CALD1: variants seen among roughly 807,000 people sequenced by gnomAD.
CALD1 encodes caldesmon 1, also known as caldesmon.
In CALD1, 33 loss-of-function variants were observed where a neutral mutation model predicts 99.9. The ratio of observed to expected loss-of-function variants is 0.33; its 90% CI spans 0.25 to 0.44. The LOEUF is 0.44. Ranked by LOEUF, CALD1 falls within the 20% of genes least tolerant of loss-of-function variation. CALD1 has a pLI of 1.00. For missense variants in CALD1, 861 were observed against 962.1 expected, an observed-to-expected ratio of 0.89 and a Z score of 1.39; for synonymous variants, 310 against 325.0, an observed-to-expected ratio of 0.95 and a Z score of 0.50.
intron 7 of CALD1, among the ~76,000 whole-genome samples, chr7:134,943,315 G>A (rs949628484): frequency 3.9e-5 from 6 of 152,052 alleles, no homozygotes; most frequent in South Asian, 2.1e-4. Context: ...GGTGGGGTGC[G>A]GGGAGAAAGA....
At chr7:134,870,910 T>C (rs1355046778) in intron 3 of CALD1, among the ~76,000 whole-genome samples, 1 of 152,162 alleles carries the variant, frequency 6.6e-6, no homozygotes, top group African/African-American at 2.4e-5. Flanking sequence ...TTTATGGGAA[T>C]AGTGAAAGTC....
intron 3 of CALD1, among the ~76,000 whole-genome samples, chr7:134,901,850 A>G (rs1803021923): frequency 6.6e-6 from 1 of 152,038 alleles, no homozygotes; most frequent in African/African-American, 2.4e-5. Flanking sequence ...TTTGTGTCCA[A>G]AGGGCACCAG....
intron 1 of CALD1, among the ~76,000 whole-genome samples, chr7:134,833,422 T>G (rs1799309901): frequency 6.6e-6 from 1 of 152,208 alleles, no homozygotes; most frequent in African/African-American, 2.4e-5. Flanking sequence ...GGGTTTAAGT[T>G]TGTGGCCACG....
intron 1 of CALD1, among the ~76,000 whole-genome samples, chr7:134,824,038 TAGA>T (rs1228909547): frequency 1.3e-5 from 2 of 152,084 alleles, no homozygotes; most frequent in African/African-American, 4.8e-5. Flanking sequence ...GTCATGAAAG[TAGA>T]AGATTAGGAG....
In CALD1 at chr7:134,845,414, T is replaced by C. The variant is rs549564888; in HGVS notation, c.-42+1443T>C. Reference sequence around the variant, plus strand: ...CTCACTTCCTGCCCCCCAAGACAGGTAGAAATAAGTTAAGGCTGAGGAGAA... The same window carrying C: ...CTCACTTCCTGCCCCCCAAGACAGGCAGAAATAAGTTAAGGCTGAGGAGAA... On this transcript the variant is annotated intron_variant, in intron 2 of 14. Coordinates refer to ENST00000361675, the MANE Select transcript of CALD1 (RefSeq NM_033138.4). Among the ~76,000 whole-genome samples, 10 of 150,872 alleles carry C rather than the reference T, an allele frequency of 6.6e-5. 2 individuals carry two copies. In the South Asian group the frequency reaches 2.2e-3, roughly 33 times the overall value.
At chr7:134,950,912 T>C (rs1395358446) in intron 9 of CALD1, among the ~76,000 whole-genome samples, 1 of 152,186 alleles carries the variant, frequency 6.6e-6, no homozygotes, top group Non-Finnish European at 1.5e-5. Context: ...TGAGCTAAGA[T>C]AATGCCACTG....
intron 1 of CALD1, among the ~76,000 whole-genome samples, chr7:134,806,416 G>A (rs762527061): frequency 6.6e-5 from 10 of 152,156 alleles, no homozygotes; most frequent in Admixed American, 3.3e-4. Flanking sequence ...TTACACAGGC[G>A]CTCAGTTCCA....
the CALD1 span, among the ~76,000 whole-genome samples, chr7:134,717,490 A>G: frequency 6.6e-6 from 1 of 152,340 alleles, no homozygotes; most frequent in South Asian, 2.1e-4. Context: ...TACCAACTAA[A>G]TGTACCTGCT....
At chr7:134,931,197 C>CT (rs1805498121) in intron 4 of CALD1, among the ~76,000 whole-genome samples, 2 of 152,030 alleles carry the variant, frequency 1.3e-5, no homozygotes, top group South Asian at 4.1e-4. Context: ...CTAAACAACT[C>CT]TAACTGGCAT....
At chr7:134,962,699 G>A (rs1341316756) in intron 13 of CALD1, 2 of 390,278 alleles carry the variant, frequency 5.1e-6, no homozygotes, top group South Asian at 1.9e-5. Flanking sequence ...TCAATTCTGA[G>A]TATGTCTGTT....
At chr7:134,732,403 C>A in the CALD1 span, among the ~76,000 whole-genome samples, 2 of 152,108 alleles carry the variant, frequency 1.3e-5, 1 homozygote, top group Admixed American at 1.3e-4. Flanking sequence ...GAGGTGGGGG[C>A]TTTTGGGGGC....
chr7:134,888,504 C>G (rs1335648383), intron 3 of CALD1, among the ~76,000 whole-genome samples: 1 of 152,228 alleles, frequency 6.6e-6, no homozygotes, highest in Non-Finnish European at 1.5e-5. Context: ...CCTTGCCTCT[C>G]CAGCCCCAGG....
intron 3 of CALD1, among the ~76,000 whole-genome samples, chr7:134,906,647 A>G (rs1346497130): frequency 6.6e-6 from 1 of 152,210 alleles, no homozygotes; most frequent in African/African-American, 2.4e-5. Context: ...TCATTTTTAA[A>G]TAGACAGTGG....
chr7:134,854,492 A>C (rs1800214059), intron 2 of CALD1, among the ~76,000 whole-genome samples: 1 of 152,250 alleles, frequency 6.6e-6, no homozygotes, highest in African/African-American at 2.4e-5. Context: ...ATAATGCAGA[A>C]GACGACAGGA....
At chr7:134,941,651 G>A (rs1460002130) in intron 7 of CALD1, among the ~76,000 whole-genome samples, 1 of 151,028 alleles carries the variant, frequency 6.6e-6, no homozygotes, top group African/African-American at 2.4e-5. Flanking sequence ...ATTTTCTAAA[G>A]GTTGTAAATA....
chr7:134,798,343 C>T (rs1049386625), intron 1 of CALD1, among the ~76,000 whole-genome samples: 6 of 152,200 alleles, frequency 3.9e-5, no homozygotes, highest in African/African-American at 1.4e-4. Flanking sequence ...TCAGCCTGAC[C>T]CACCCTGGTG....
chr7:134,825,433 G>A (rs1181313318), intron 1 of CALD1, among the ~76,000 whole-genome samples: 1 of 151,938 alleles, frequency 6.6e-6, no homozygotes, highest in Non-Finnish European at 1.5e-5. Context: ...AAGTGATTAG[G>A]GTAATTTAAG....
rs1804888221 is a variant in CALD1, at chr7:134,924,949, T to G, written c.72-3805T>G. On this transcript the variant is annotated intron_variant, in intron 3 of 14. Coordinates refer to ENST00000361675, the MANE Select transcript of CALD1 (RefSeq NM_033138.4). Reference sequence around the variant, plus strand: ...CTGCCACCTAGTGAAGAAGGTGCCTTGCTTCCCCTTCACCTTCTGCCATAA... The same window carrying G: ...CTGCCACCTAGTGAAGAAGGTGCCTGGCTTCCCCTTCACCTTCTGCCATAA... Among the ~76,000 whole-genome samples the G allele has an allele frequency of 3.3e-5, 5 of 152,280 alleles. No homozygotes were observed. The South Asian group carries it at 8.3e-4, about 25-fold the overall frequency.
chr7:134,753,023 C>A (rs76768364), intron 1 of CALD1, among the ~76,000 whole-genome samples: 548 of 48,328 alleles, frequency 0.011, 3 homozygotes, highest in African/African-American at 0.026. Context: ...AAAAAAAAAA[C>A]AAAAAAAAAC....
Sources: allele counts gnomAD v4.1 joint callset (sites outside exome capture counted in the v4.1 genomes callset), GRCh38; gene constraint gnomAD v4.1.1; transcripts MANE v1.5; gene names NCBI Gene and HGNC (gene_info 2026-07-23, HGNC 2026-07-21).